Variants in SH3RF3 observed in about 807,000 individuals in gnomAD.
The protein encoded by SH3RF3 is SH3 domain containing ring finger 3.
SH3RF3 carries 29 observed loss-of-function variants against 66.3 expected under a neutral mutation model. That is an observed-to-expected ratio of 0.44 (90% CI 0.33 to 0.60). The LOEUF (loss-of-function observed/expected upper bound fraction) is 0.60, where lower values mean the gene tolerates loss of function less well. SH3RF3 is among the 20% of genes least tolerant of loss of function. SH3RF3 has a pLI of 0.04. For synonymous variants in SH3RF3, 583 were observed against 532.0 expected, an observed-to-expected ratio of 1.10 and a Z score of -1.32; for missense variants, 1,194 against 1,190.9, an observed-to-expected ratio of 1.00 and a Z score of -0.04.
At chr2:109,198,690 T>C (rs1459790061) in intron 1 of SH3RF3, among the ~76,000 whole-genome samples, 2 of 152,132 alleles carry the variant, frequency 1.3e-5, no homozygotes, top group Non-Finnish European at 2.9e-5. Flanking sequence ...ATTTTTCGTG[T>C]CTCTTAAAAG....
intron 1 of SH3RF3, among the ~76,000 whole-genome samples, chr2:109,251,826 T>C (rs1159390272): frequency 6.6e-6 from 1 of 152,216 alleles, no homozygotes; most frequent in Non-Finnish European, 1.5e-5. Flanking sequence ...ATATTTTTAA[T>C]ACCAATTTTC....
chr2:109,162,477 C>T (rs1006830221), intron 1 of SH3RF3, among the ~76,000 whole-genome samples: 3 of 152,016 alleles, frequency 2.0e-5, no homozygotes, highest in Non-Finnish European at 4.4e-5. Flanking sequence ...GGCTTGTTAC[C>T]TATGTATACA....
At chr2:109,207,899 T>G (rs1036489153) in intron 1 of SH3RF3, among the ~76,000 whole-genome samples, 8 of 152,244 alleles carry the variant, frequency 5.3e-5, no homozygotes, top group Non-Finnish European at 1.0e-4. Flanking sequence ...CCCTGTATCA[T>G]CATTTTCCCA....
intron 1 of SH3RF3, among the ~76,000 whole-genome samples, chr2:109,216,253 T>C (rs13421000): frequency 0.17 from 25,698 of 152,150 alleles, 4,404 homozygotes; most frequent in African/African-American, 0.43. Flanking sequence ...CTAACTACTT[T>C]CTCTCTGGCC....
At chr2:109,173,405 A>G (rs1677835422) in intron 1 of SH3RF3, among the ~76,000 whole-genome samples, 1 of 152,116 alleles carries the variant, frequency 6.6e-6, no homozygotes, top group African/African-American at 2.4e-5. Context: ...AAGGCGGGTT[A>G]TCTTGGTTTG....
chr2:109,141,667 T>C (rs1413051798), intron 1 of SH3RF3: 4 of 154,820 alleles, frequency 2.6e-5, no homozygotes, highest in African/African-American at 7.2e-5. Flanking sequence ...GATAACAGTG[T>C]GTCTTGACAG....
At chr2:109,203,468 C>T (rs913642301) in intron 1 of SH3RF3, among the ~76,000 whole-genome samples, 4 of 152,182 alleles carry the variant, frequency 2.6e-5, no homozygotes, top group Admixed American at 6.5e-5. Flanking sequence ...TTCTTTAAGT[C>T]GCTTCTTAGT....
intron 1 of SH3RF3, among the ~76,000 whole-genome samples, chr2:109,280,646 AT>A (rs1229331788): frequency 2.6e-5 from 4 of 152,206 alleles, no homozygotes; most frequent in African/African-American, 9.6e-5. Context: ...TCATCAAAAG[AT>A]TATTTTGAGA....
At position 109,314,050 on chromosome 2, in the gene SH3RF3, A is replaced by G. The variant is rs556003687; in HGVS notation, c.574-33624A>G. On this transcript the variant is annotated intron_variant, in intron 1 of 9. Transcript: ENST00000309415. ...TGGACACTGAGAAAAGGAAGAGGCT[A>G]TGGGGGAAGAGAGGGGCCGTGAGAC... Among the ~76,000 whole-genome samples the G allele has an allele frequency of 2.4e-4, 36 of 152,230 alleles. 2 individuals are homozygous for G. The South Asian group carries it at 7.5e-3, about 32-fold the overall frequency.
At chr2:109,193,159 G>A (rs976552659) in intron 1 of SH3RF3, among the ~76,000 whole-genome samples, 12 of 152,218 alleles carry the variant, frequency 7.9e-5, no homozygotes, top group African/African-American at 2.2e-4. Context: ...AAGGCCAGAG[G>A]TCTCACATTT....
At chr2:109,446,260 C>T (rs1200863204) in intron 7 of SH3RF3, among the ~76,000 whole-genome samples, 1 of 152,174 alleles carries the variant, frequency 6.6e-6, no homozygotes, top group Non-Finnish European at 1.5e-5. Flanking sequence ...TCGGAAGTGA[C>T]ATGGCTGGGG....
chr2:109,361,376 G>A (rs766107995), intron 2 of SH3RF3, among the ~76,000 whole-genome samples: 1 of 152,310 alleles, frequency 6.6e-6, no homozygotes, highest in Non-Finnish European at 1.5e-5. Context: ...TGAGATTGTA[G>A]AGAATTGGTA....
chr2:109,419,843 T>C (rs1278730961), intron 5 of SH3RF3, among the ~76,000 whole-genome samples: 1 of 152,250 alleles, frequency 6.6e-6, no homozygotes, highest in African/African-American at 2.4e-5. Context: ...TCGTTGTTTC[T>C]AGGACATTTC....
chr2:109,186,490 A>G (rs1413383687), intron 1 of SH3RF3, among the ~76,000 whole-genome samples: 1 of 152,202 alleles, frequency 6.6e-6, no homozygotes, highest in Non-Finnish European at 1.5e-5. Flanking sequence ...GTGTGTGTAA[A>G]ATGAAAGCAT....
chr2:109,479,275 C>T (rs996892340), intron 8 of SH3RF3, among the ~76,000 whole-genome samples: 2 of 152,104 alleles, frequency 1.3e-5, no homozygotes, highest in African/African-American at 2.4e-5. Context: ...GGTGGGGACA[C>T]GGTCCTGTGA....
chr2:109,250,852 G>C (rs1043363820), intron 1 of SH3RF3, among the ~76,000 whole-genome samples: 14 of 151,810 alleles, frequency 9.2e-5, no homozygotes, highest in Admixed American at 7.2e-4. Context: ...GTGCTGTTTA[G>C]GTAGAACAAA....
chr2:109,260,715 T>C (rs1680329490), intron 1 of SH3RF3, among the ~76,000 whole-genome samples: 2 of 152,076 alleles, frequency 1.3e-5, no homozygotes, highest in Admixed American at 1.3e-4. Flanking sequence ...CTTGCAATCT[T>C]ATGGCCTGAT....
intron 2 of SH3RF3, among the ~76,000 whole-genome samples, chr2:109,360,489 C>T (rs1222219002): frequency 6.6e-6 from 1 of 152,112 alleles, no homozygotes; most frequent in Non-Finnish European, 1.5e-5. Flanking sequence ...ATATATAAAA[C>T]ACAAATGAAT....
intron 3 of SH3RF3, among the ~76,000 whole-genome samples, chr2:109,392,501 G>C (rs553774866): frequency 6.6e-6 from 1 of 152,100 alleles, no homozygotes; most frequent in African/African-American, 2.4e-5. Context: ...TGGTCACCAG[G>C]CCCCTTGCTT....
Sources: gnomAD v4.1 joint callset for allele counts (sites outside exome capture counted in the v4.1 genomes callset) on GRCh38, gnomAD v4.1.1 for gene constraint, MANE v1.5 for transcripts, NCBI Gene and HGNC (gene_info 2026-07-23, HGNC 2026-07-21) for gene names.